Variants in SPINK8 observed in about 807,000 individuals in gnomAD.
SPINK8 encodes serine peptidase inhibitor Kazal type 8 (putative).
Under a neutral mutation model 14.4 loss-of-function variants are expected in SPINK8, and 12 were observed. That is an observed-to-expected ratio of 0.83 (90% CI 0.53 to 1.35). The LOEUF (loss-of-function observed/expected upper bound fraction) is 1.35, where lower values mean the gene tolerates loss of function less well. Ranked by LOEUF, SPINK8 falls within the 40% of genes most tolerant of loss-of-function variation. The pLI, the probability that SPINK8 is intolerant of heterozygous loss-of-function variation, is 0.00. For missense variants in SPINK8, 103 were observed against 117.0 expected (o/e 0.88, Z 0.55); for synonymous variants, 32 against 37.6 (o/e 0.85, Z 0.55).
intron 2 of SPINK8, among the ~76,000 whole-genome samples, chr3:48,331,242 G>A (rs188269751): frequency 8.3e-4 from 127 of 152,226 alleles, no homozygotes; most frequent in African/African-American, 2.9e-3. Context: ...CAATATTTCC[G>A]GGAAGCCGCA....
At chr3:48,308,203 T>C (rs1223214219) in intron 7 of SPINK8, among the ~76,000 whole-genome samples, 1 of 151,984 alleles carries the variant, frequency 6.6e-6, no homozygotes, top group Non-Finnish European at 1.5e-5. Context: ...CTCGATCTCC[T>C]GACCTTGTGA....
chr3:48,310,907 T>C (rs2035916766), intron 6 of SPINK8, among the ~76,000 whole-genome samples: 1 of 152,190 alleles, frequency 6.6e-6, no homozygotes, highest in African/African-American at 2.4e-5. Context: ...CATTACCATG[T>C]TATCAAAGAC....
chr3:48,315,720 CAAAAAAA>C (rs66504818), intron 6 of SPINK8, among the ~76,000 whole-genome samples: 3 of 21,922 alleles, frequency 1.4e-4, no homozygotes, highest in Non-Finnish European at 2.9e-4. Context: ...GACTCCATCT[CAAAAAAA>C]AAAAAAAAAA....
At position 48,319,526 on chromosome 3, in the gene SPINK8, A is replaced by G. The variant is rs1197465617; in HGVS notation, c.210T>C (p.Ser70=). ...TTTTGGAGCACAGATGGCAGTCACTACTGTAGGTAACCTGGTCACTGCCAC... is the reference window on the plus strand; with the variant it reads ...TTTTGGAGCACAGATGGCAGTCACTGCTGTAGGTAACCTGGTCACTGCCAC... ...PICGSDQVTY[S]SDCHLCSKIL... Residue 70 remains serine (S), a synonymous_variant, in exon 6 of 8, where the codon AGT becomes AGC. Transcript: ENST00000434006. 6.2e-7 allele frequency: 1 copy of G among 1,613,982 alleles called. No homozygotes were observed. Among genetic ancestry groups the G allele is most frequent in the Non-Finnish European group, 8.5e-7 (1 of 1,179,862 alleles).
chr3:48,310,002 G>T, intron 6 of SPINK8, 56 bp from the exon 7 acceptor site: 1 of 1,313,048 alleles, frequency 7.6e-7, no homozygotes, highest in Non-Finnish European at 9.8e-7. Flanking sequence ...CATAAATTCT[G>T]ACTAAATTTT....
intron 5 of SPINK8, 62 bp downstream of exon 5, chr3:48,320,963 C>G: frequency 6.5e-7 from 1 of 1,530,516 alleles, no homozygotes. Flanking sequence ...AGAGCTGGGG[C>G]TTTTGGGCAA....
chr3:48,332,010 T>C (rs1351562706), intron 2 of SPINK8, among the ~76,000 whole-genome samples: 1 of 152,212 alleles, frequency 6.6e-6, no homozygotes, highest in African/African-American at 2.4e-5. Flanking sequence ...CTTCATCCCC[T>C]GGGGCAGTGG....
intron 6 of SPINK8, among the ~76,000 whole-genome samples, chr3:48,314,384 A>G (rs1430712345): frequency 6.6e-6 from 1 of 152,208 alleles, no homozygotes; most frequent in Non-Finnish European, 1.5e-5. Context: ...CATCTATTGA[A>G]GAAAAATTGC....
chr3:48,322,413 G>C (rs1456588256), intron 4 of SPINK8, among the ~76,000 whole-genome samples: 2 of 151,412 alleles, frequency 1.3e-5, no homozygotes, highest in Admixed American at 1.3e-4. Flanking sequence ...TCAGCTCACT[G>C]CAACCTCGGC....
At chr3:48,333,459 G>T (rs2036291874) in intron 1 of SPINK8, among the ~76,000 whole-genome samples, 76 bp downstream of exon 1, 5 of 152,156 alleles carry the variant, frequency 3.3e-5, no homozygotes, top group African/African-American at 9.7e-5. Flanking sequence ...AGCGTCCTCT[G>T]TGGTCCTAAT....
Position 48,333,624 on chromosome 3 carries a change from C to T in SPINK8, c.-331G>A, listed in dbSNP as rs930228886. 9.2e-5 allele frequency among the ~76,000 whole-genome samples: 14 copies of T among 152,194 alleles called. No homozygotes were observed. Among genetic ancestry groups the T allele is most frequent in the East Asian group, 5.8e-4 (3 of 5,204 alleles). On this transcript the variant is annotated 5_prime_UTR_variant, in exon 1 of 8. Coordinates refer to ENST00000434006, the MANE Select transcript of SPINK8 (RefSeq NM_001080525.3). Reference sequence around the variant, plus strand: ...CTGGATTCTAGTGGTCCTTTACCAGCGTGCCTGACATTGCCTTTGCACTCA... The same window carrying T: ...CTGGATTCTAGTGGTCCTTTACCAGTGTGCCTGACATTGCCTTTGCACTCA...
At chr3:48,328,248 T>C (rs2036171935) in intron 4 of SPINK8, 27 bp downstream of exon 4, 17 of 1,586,274 alleles carry the variant, frequency 1.1e-5, no homozygotes, top group Non-Finnish European at 1.5e-5. Flanking sequence ...GCAGAAAATG[T>C]GGGCAGAGCA....
chr3:48,327,382 TAGGTTTGAGGCAAAAATATA>T (rs1342670446), intron 4 of SPINK8, among the ~76,000 whole-genome samples: 1 of 152,008 alleles, frequency 6.6e-6, no homozygotes, highest in African/African-American at 2.4e-5. Flanking sequence ...AGGGGAGAAA[TAGGTTTGAGGCAAAAATATA>T]AGGCCATACA....
At chr3:48,328,044 G>T (rs1659349355) in intron 4 of SPINK8, among the ~76,000 whole-genome samples, 1 of 152,114 alleles carries the variant, frequency 6.6e-6, no homozygotes, top group Non-Finnish European at 1.5e-5. Flanking sequence ...GTAGTAACCT[G>T]GCATTTTGGG....
At chr3:48,333,498 C>A (rs2036292284) in intron 1 of SPINK8, among the ~76,000 whole-genome samples, 37 bp downstream of exon 1, 1 of 152,124 alleles carries the variant, frequency 6.6e-6, no homozygotes, top group African/African-American at 2.4e-5. Flanking sequence ...TGCGTAACCA[C>A]CCACGGACCT....
At chr3:48,326,908 CAA>C (rs11383648) in intron 4 of SPINK8, among the ~76,000 whole-genome samples, 7 of 129,084 alleles carry the variant, frequency 5.4e-5, no homozygotes, top group Non-Finnish European at 5.1e-5. Context: ...GACTCTGTCT[CAA>C]AAAAAAAAAA....
In SPINK8 at chr3:48,333,612, G is replaced by A. The variant is rs1335113188; in HGVS notation, c.-319C>T. 1.3e-5 allele frequency among the ~76,000 whole-genome samples: 2 copies of A among 152,168 alleles called. No homozygotes were observed. On this transcript the variant is annotated 5_prime_UTR_variant, in exon 1 of 8. Coordinates refer to ENST00000434006, the MANE Select transcript of SPINK8 (RefSeq NM_001080525.3). The stretch of plus-strand genomic sequence containing the variant: ...GGGTCTGGGCTGCTGGATTCTAGTG[G>A]TCCTTTACCAGCGTGCCTGACATTG...
At chr3:48,320,726 A>G (rs2036061778) in intron 5 of SPINK8, among the ~76,000 whole-genome samples, 2 of 152,120 alleles carry the variant, frequency 1.3e-5, no homozygotes, top group African/African-American at 4.8e-5. Flanking sequence ...AACAGTATCC[A>G]CTGTGGCATA....
chr3:48,325,675 C>T (rs539672611), intron 4 of SPINK8, among the ~76,000 whole-genome samples: 1 of 151,716 alleles, frequency 6.6e-6, no homozygotes, highest in African/African-American at 2.4e-5. Context: ...TCACTGCAAC[C>T]TCTGCCTCCC....
Sources: gnomAD v4.1 joint callset for allele counts (sites outside exome capture counted in the v4.1 genomes callset) on GRCh38, gnomAD v4.1.1 for gene constraint, MANE v1.5 for transcripts, NCBI Gene and HGNC (gene_info 2026-07-23, HGNC 2026-07-21) for gene names.